The following NALCN variants were observed in gnomAD, a reference collection of about 807,000 sequenced individuals.
NALCN encodes sodium leak channel, non-selective.
In NALCN, 111 loss-of-function variants were observed where a neutral mutation model predicts 225.3. That is an observed-to-expected ratio of 0.49 (90% CI 0.42 to 0.58). NALCN has a LOEUF of 0.58. Among genes scored for constraint, NALCN ranks in the 20% least tolerant of loss-of-function variants. NALCN has a pLI of 0.00. For missense variants in NALCN, 1,378 were observed against 2,202.4 expected, an observed-to-expected ratio of 0.63 and a Z score of 7.49; for synonymous variants, 764 against 769.0, an observed-to-expected ratio of 0.99 and a Z score of 0.11.
chr13:101,241,353 A>C (rs2041752176), intron 11 of NALCN, among the ~76,000 whole-genome samples: 1 of 152,230 alleles, frequency 6.6e-6, no homozygotes, highest in Non-Finnish European at 1.5e-5. Context: ...GCTGTTTCTC[A>C]GATTCTGGAC....
Position 101,055,134 on chromosome 13 carries a change from C to A in NALCN, c.*161G>T. On this transcript the variant is annotated 3_prime_UTR_variant, in exon 44 of 44. Coordinates refer to ENST00000251127, the MANE Select transcript of NALCN (RefSeq NM_052867.4). ...GATTGATAGTAACCCATCATACATGCAGCTTATGCCTTTCTGTGGCAGGAT... is the reference window on the plus strand; with the variant it reads ...GATTGATAGTAACCCATCATACATGAAGCTTATGCCTTTCTGTGGCAGGAT... 1.6e-6 allele frequency: 1 copy of A among 630,810 alleles called. No individual in the cohort carries two copies. The highest frequency in any genetic ancestry group is 2.3e-5 in the South Asian group (1 of 43,456). The allele number at this position is 630,810 out of a possible 1,614,324, so 39.1% of individuals were successfully genotyped here.
At chr13:101,273,897 A>G (rs2042886384) in intron 10 of NALCN, among the ~76,000 whole-genome samples, 1 of 151,678 alleles carries the variant, frequency 6.6e-6, no homozygotes, top group Non-Finnish European at 1.5e-5. Flanking sequence ...AAAAAAAAAA[A>G]AAAAAAAAAA....
At chr13:101,124,964 G>A (rs1433229298) in intron 17 of NALCN, among the ~76,000 whole-genome samples, 2 of 152,094 alleles carry the variant, frequency 1.3e-5, no homozygotes, top group South Asian at 2.1e-4. Context: ...AGACTTTAAC[G>A]TTGACCCTCA....
In NALCN at chr13:101,059,954, G is replaced by GA. The variant is rs764936855; in HGVS notation, c.4768dup (p.Ser1590PhefsTer32). 10 of 1,613,792 alleles carry GA rather than the reference G, an allele frequency of 6.2e-6. No individual in the cohort carries two copies. Among genetic ancestry groups the GA allele is most frequent in the Non-Finnish European group, 8.5e-7 (1 of 1,179,972 alleles). ...TCTCAGGCTGTGGATGATACTGCAC[G>GA]ACTGCTGCTGTTTCTATGGAAATGC... On this transcript the variant is annotated frameshift_variant, in exon 42 of 44. Coordinates refer to ENST00000251127, the MANE Select transcript of NALCN (RefSeq NM_052867.4). LOFTEE classifies it high-confidence loss of function.
chr13:101,089,942 G>A lies in NALCN; in HGVS notation c.3294C>T (p.Phe1098=), dbSNP rs762502615. The A allele has an allele frequency of 7.4e-6, 12 of 1,613,874 alleles. No homozygotes were observed. The highest frequency in any genetic ancestry group is 6.7e-5 in the East Asian group (3 of 44,870). Residue 1098 remains phenylalanine, a synonymous_variant, in exon 29 of 44, where the codon TTC becomes TTT. Transcript: ENST00000251127. The surrounding 1 kb of genome is among the most constrained non-coding windows in gnomAD (Gnocchi z 4.7). ...RVWANPRNFN[F]DNVGNAMLAL... is the part of the protein sequence containing the mutation. ...CCAGCATAGCGTTTCCCACATTGTC[G>A]AAATTAAAGTTCCGAGGATTCGCCC... is the stretch of plus-strand genomic sequence containing the variant.
intron 14 of NALCN, among the ~76,000 whole-genome samples, chr13:101,178,359 A>G (rs1454162001): frequency 6.6e-6 from 1 of 152,176 alleles, no homozygotes; most frequent in Non-Finnish European, 1.5e-5. Flanking sequence ...ATCTAAAAAA[A>G]GGGGGGTCGG....
intron 9 of NALCN, among the ~76,000 whole-genome samples, chr13:101,285,332 C>T (rs1002450251): frequency 2.0e-5 from 3 of 152,106 alleles, no homozygotes; most frequent in African/African-American, 7.2e-5. Flanking sequence ...TAGAGTCCTG[C>T]TCTGTCGCCC....
At chr13:101,139,833 G>A (rs988138067) in intron 17 of NALCN, among the ~76,000 whole-genome samples, 5 of 152,260 alleles carry the variant, frequency 3.3e-5, no homozygotes, top group South Asian at 4.1e-4. Flanking sequence ...AAGGCTTGCC[G>A]TATTCATAAT....
intron 10 of NALCN, among the ~76,000 whole-genome samples, chr13:101,275,613 T>G (rs2042944313): frequency 6.6e-6 from 1 of 151,698 alleles, no homozygotes; most frequent in South Asian, 2.1e-4. Context: ...AAACAAGATG[T>G]TGTGTTGGGT....
At chr13:101,297,599 A>G (rs963670527) in intron 7 of NALCN, among the ~76,000 whole-genome samples, 3 of 152,156 alleles carry the variant, frequency 2.0e-5, no homozygotes, top group African/African-American at 4.8e-5. Context: ...TCCCTTTGGG[A>G]ACCTCTCTTG....
chr13:101,307,604 G>A (rs751388363), intron 7 of NALCN, among the ~76,000 whole-genome samples: 1 of 152,130 alleles, frequency 6.6e-6, no homozygotes, highest in African/African-American at 2.4e-5. Flanking sequence ...TGAGGAATTT[G>A]AACAAATTCC....
At chr13:101,311,494 G>A (rs2044345167) in intron 7 of NALCN, among the ~76,000 whole-genome samples, 3 of 149,750 alleles carry the variant, frequency 2.0e-5, no homozygotes, top group South Asian at 2.1e-4. Flanking sequence ...TTGGCTGTGG[G>A]TTTGTCATAG....
intron 14 of NALCN, 106 bp from the exon 15 acceptor site, chr13:101,176,480 A>G (rs2038964266): frequency 1.5e-6 from 1 of 655,866 alleles, no homozygotes; most frequent in African/African-American, 1.9e-5. Flanking sequence ...TAATTCATTA[A>G]ATGCAAAATA....
chr13:101,359,163 C>A (rs895488729), intron 6 of NALCN, among the ~76,000 whole-genome samples: 9 of 152,088 alleles, frequency 5.9e-5, no homozygotes. Context: ...CCTGCACATT[C>A]TGCCCATGTA....
chr13:101,155,177 A>G (rs911406417), intron 15 of NALCN, among the ~76,000 whole-genome samples: 2 of 152,244 alleles, frequency 1.3e-5, no homozygotes, highest in Non-Finnish European at 2.9e-5. Context: ...GAGTTCCTGT[A>G]TACCTTGACC....
intron 13 of NALCN, among the ~76,000 whole-genome samples, chr13:101,208,137 C>T (rs2040390240): frequency 6.6e-6 from 1 of 152,186 alleles, no homozygotes; most frequent in Admixed American, 6.5e-5. Flanking sequence ...AACTGTAACA[C>T]TCACCACGAA....
intron 3 of NALCN, among the ~76,000 whole-genome samples, chr13:101,386,527 C>G (rs4516073): frequency 0.024 from 3,599 of 152,076 alleles, 56 homozygotes; most frequent in South Asian, 0.064. Context: ...AAGAATATAA[C>G]TCATTCTTAT....
At chr13:101,063,441 T>A (rs546751084) in intron 40 of NALCN, among the ~76,000 whole-genome samples, 1 of 152,324 alleles carries the variant, frequency 6.6e-6, no homozygotes, top group East Asian at 1.9e-4. Flanking sequence ...AGATTTTGCC[T>A]GGGTCTATTT....
intron 15 of NALCN, among the ~76,000 whole-genome samples, chr13:101,164,866 A>G (rs1315979317): frequency 1.3e-5 from 2 of 152,344 alleles, no homozygotes; most frequent in African/African-American, 4.8e-5. Flanking sequence ...ATGGAAAGTT[A>G]TGGGCAATAA....
Sources: allele counts gnomAD v4.1 joint callset (sites outside exome capture counted in the v4.1 genomes callset), GRCh38; gene constraint gnomAD v4.1.1; non-coding constraint Gnocchi (gnomAD v3.1); transcripts MANE v1.5; gene names NCBI Gene and HGNC (gene_info 2026-07-23, HGNC 2026-07-21).